Variants in ANTXR1 observed in about 807,000 individuals in gnomAD.
ANTXR1 encodes ANTXR cell adhesion molecule 1.
ANTXR1 carries 19 observed loss-of-function variants against 78.1 expected under a neutral mutation model. The observed-to-expected ratio is 0.24, with a 90% CI of 0.17 to 0.36. The LOEUF is 0.36. Ranked by LOEUF, ANTXR1 falls within the 10% of genes least tolerant of loss-of-function variation. The pLI, the probability that ANTXR1 is intolerant of heterozygous loss-of-function variation, is 1.00. For synonymous variants in ANTXR1, 273 were observed against 260.5 expected (o/e 1.05, Z -0.46); for missense variants, 518 against 718.6 (o/e 0.72, Z 3.19).
At chr2:69,181,938 C>T (rs1674286100) in intron 15 of ANTXR1, 57 bp downstream of exon 15, 3 of 1,560,868 alleles carry the variant, frequency 1.9e-6, no homozygotes, top group South Asian at 2.2e-5. Context: ...CATCGAGGTA[C>T]CAGCCGGGCC....
At chr2:69,166,387 C>T (rs910742717) in intron 13 of ANTXR1, among the ~76,000 whole-genome samples, 1 of 152,078 alleles carries the variant, frequency 6.6e-6, no homozygotes, top group Admixed American at 6.5e-5. Flanking sequence ...AGAGAAATAC[C>T]AATAGAATTC....
chr2:69,231,322 G>A (rs1675591292), intron 17 of ANTXR1, among the ~76,000 whole-genome samples: 1 of 152,088 alleles, frequency 6.6e-6, no homozygotes, highest in African/African-American at 2.4e-5. Flanking sequence ...TCTTTCTCCT[G>A]GGGACCTTGG....
chr2:69,182,706 A>G (rs776318115), intron 16 of ANTXR1, 46 bp downstream of exon 16: 2 of 1,611,104 alleles, frequency 1.2e-6, no homozygotes, highest in East Asian at 2.2e-5. Flanking sequence ...CTGATAAAAC[A>G]CTTACATAGT....
chr2:69,078,964 T>A (rs1013127320), intron 8 of ANTXR1, among the ~76,000 whole-genome samples: 6 of 152,210 alleles, frequency 3.9e-5, no homozygotes, highest in African/African-American at 1.4e-4. Context: ...TGCTTTTTTT[T>A]TTAAGTGCCC....
chr2:69,182,039 A>T, intron 15 of ANTXR1, 158 bp downstream of exon 15: 1 of 730,508 alleles, frequency 1.4e-6, no homozygotes, highest in South Asian at 1.6e-5. Flanking sequence ...CCCAAAGCAA[A>T]TTGCTGAAAA....
chr2:69,135,578 A>C (rs996992260), intron 12 of ANTXR1, among the ~76,000 whole-genome samples: 1 of 152,164 alleles, frequency 6.6e-6, no homozygotes, highest in Non-Finnish European at 1.5e-5. Flanking sequence ...TACCAAAAGA[A>C]AGTTAGTATA....
At chr2:69,067,535 A>G (rs180688742) in intron 3 of ANTXR1, among the ~76,000 whole-genome samples, 150 of 148,978 alleles carry the variant, frequency 1.0e-3, no homozygotes, top group Middle Eastern at 3.5e-3. Flanking sequence ...CCCAGACTTC[A>G]CTAGTCTGTG....
chr2:69,085,477 A>G (rs11691343), intron 8 of ANTXR1, among the ~76,000 whole-genome samples: 1 of 151,932 alleles, frequency 6.6e-6, no homozygotes, highest in Non-Finnish European at 1.5e-5. Flanking sequence ...ACTTGTATTC[A>G]GAAGACCCTG....
intron 1 of ANTXR1, among the ~76,000 whole-genome samples, chr2:69,029,535 A>C (rs1671462072): frequency 6.6e-6 from 1 of 151,676 alleles, no homozygotes; most frequent in Non-Finnish European, 1.5e-5. Flanking sequence ...AAATATAAGA[A>C]TAGAAAAGTC....
At chr2:69,221,171 A>G (rs1675309967) in intron 17 of ANTXR1, among the ~76,000 whole-genome samples, 1 of 152,204 alleles carries the variant, frequency 6.6e-6, no homozygotes, top group Admixed American at 6.5e-5. Context: ...AGAGCTGTAA[A>G]GGGACTCTCC....
chr2:69,195,100 G>A (rs910364063), intron 17 of ANTXR1, among the ~76,000 whole-genome samples: 34 of 151,434 alleles, frequency 2.2e-4, no homozygotes, highest in Non-Finnish European at 2.8e-4. Context: ...CCCAGGAGGC[G>A]GAGGTTGCAG....
intron 9 of ANTXR1, among the ~76,000 whole-genome samples, chr2:69,096,066 G>C (rs1671389346): frequency 6.6e-6 from 1 of 151,854 alleles, no homozygotes; most frequent in Non-Finnish European, 1.5e-5. Context: ...AGACCATCCT[G>C]GCTAACACGG....
chr2:69,232,340 G>C (rs1329565291), intron 17 of ANTXR1, among the ~76,000 whole-genome samples: 1 of 151,246 alleles, frequency 6.6e-6, no homozygotes, highest in Non-Finnish European at 1.5e-5. Context: ...AAGAAAACCT[G>C]AAAAAAGAGA....
intron 3 of ANTXR1, among the ~76,000 whole-genome samples, chr2:69,056,293 G>A (rs1377914994): frequency 5.3e-5 from 8 of 152,062 alleles, no homozygotes; most frequent in Non-Finnish European, 8.8e-5. Flanking sequence ...CTGAAGCCAC[G>A]TGGCTGTCAC....
chr2:69,018,210 AG>A, intron 1 of ANTXR1, among the ~76,000 whole-genome samples: 1 of 152,106 alleles, frequency 6.6e-6, no homozygotes, highest in South Asian at 2.1e-4. Context: ...GGCCCCCCAC[AG>A]GCTCACCATG....
intron 14 of ANTXR1, among the ~76,000 whole-genome samples, chr2:69,179,817 C>T (rs562354282): frequency 5.9e-5 from 9 of 152,312 alleles, no homozygotes; most frequent in Non-Finnish European, 1.0e-4. Flanking sequence ...ATTAATAATA[C>T]ATTTAAAGTG....
intron 3 of ANTXR1, among the ~76,000 whole-genome samples, chr2:69,067,805 G>A (rs779674181): frequency 6.6e-6 from 1 of 152,202 alleles, no homozygotes; most frequent in African/African-American, 2.4e-5. Flanking sequence ...GATTGCTGGT[G>A]CCATGCACTG....
At chr2:69,056,810 A>G (rs1422125983) in intron 3 of ANTXR1, among the ~76,000 whole-genome samples, 1 of 152,048 alleles carries the variant, frequency 6.6e-6, no homozygotes, top group South Asian at 2.1e-4. Context: ...AGTAGCTGGG[A>G]CTACAGGCGA....
intron 14 of ANTXR1, among the ~76,000 whole-genome samples, chr2:69,171,000 T>C (rs1212319191): frequency 6.6e-6 from 1 of 152,224 alleles, no homozygotes; most frequent in Non-Finnish European, 1.5e-5. Context: ...TCACTCTTAG[T>C]ACAGCTGGAG....
Sources: gnomAD v4.1 joint callset for allele counts (sites outside exome capture counted in the v4.1 genomes callset) on GRCh38, gnomAD v4.1.1 for gene constraint, MANE v1.5 for transcripts, NCBI Gene and HGNC (gene_info 2026-07-23, HGNC 2026-07-21) for gene names.